The following LRRC8B variants were observed in gnomAD, a reference collection of about 807,000 sequenced individuals.
LRRC8B encodes leucine rich repeat containing 8 VRAC subunit B.
In LRRC8B, 23 loss-of-function variants were observed where a neutral mutation model predicts 58.8. That is an observed-to-expected ratio of 0.39 (90% CI 0.28 to 0.55). The LOEUF (loss-of-function observed/expected upper bound fraction) is 0.55, where lower values mean the gene tolerates loss of function less well. Ranked by LOEUF, LRRC8B falls within the 20% of genes least tolerant of loss-of-function variation. The pLI is 0.62. For synonymous variants in LRRC8B, 359 were observed against 374.1 expected, an observed-to-expected ratio of 0.96 and a Z score of 0.47; for missense variants, 694 against 936.0, an observed-to-expected ratio of 0.74 and a Z score of 3.37.
Position 89,593,743 on chromosome 1 carries a change from A to G in LRRC8B, c.*700A>G, listed in dbSNP as rs1570660022. The stretch of plus-strand genomic sequence containing the variant: ...TTGTTTTAACTGACTTCCTGTTTTG[A>G]TATTTATCACCAAGACCATAAACTC... On this transcript the variant is annotated 3_prime_UTR_variant, in exon 6 of 6. Coordinates refer to ENST00000330947, the MANE Select transcript of LRRC8B (RefSeq NM_001369817.2). 6.6e-6 allele frequency: 1 copy of G among 152,052 alleles called. No homozygotes were observed. The highest frequency in any genetic ancestry group is 1.9e-4 in the East Asian group (1 of 5,192). 9.4% of individuals were successfully genotyped at this position (152,052 alleles called of 1,614,324 possible). A position where few individuals can be genotyped will look rare whatever the true frequency, so the allele number is the denominator to read the frequency against.
chr1:89,527,695 T>C (rs188470611), intron 1 of LRRC8B, among the ~76,000 whole-genome samples: 1 of 152,390 alleles, frequency 6.6e-6, no homozygotes, highest in Non-Finnish European at 1.5e-5. Context: ...TATGACTTAA[T>C]TTCTCTGGTG....
chr1:89,549,292 A>C (rs1651639094), intron 1 of LRRC8B, among the ~76,000 whole-genome samples: 1 of 152,254 alleles, frequency 6.6e-6, no homozygotes, highest in Non-Finnish European at 1.5e-5. Flanking sequence ...ATTGGTATTT[A>C]TAAAAATACA....
chr1:89,578,577 A>C (rs1166605512), intron 3 of LRRC8B, among the ~76,000 whole-genome samples: 2 of 152,216 alleles, frequency 1.3e-5, no homozygotes, highest in African/African-American at 4.8e-5. Flanking sequence ...TGACTTGGTA[A>C]ACCCAAAGTA....
In LRRC8B at chr1:89,591,572, C is replaced by G. The variant is rs146327999; in HGVS notation, c.2140-1199C>G. Reference sequence around the variant, plus strand: ...GATTTATTTTTAAGGATATACAGCACTGAACGTGTGTTAGAGGGAGGGGTG... The same window carrying G: ...GATTTATTTTTAAGGATATACAGCAGTGAACGTGTGTTAGAGGGAGGGGTG... On this transcript the variant is annotated intron_variant, in intron 5 of 5. Transcript: ENST00000330947. Among the ~76,000 whole-genome samples the G allele has an allele frequency of 6.4e-3, 971 of 152,264 alleles. 9 individuals carry two copies. The highest frequency in any genetic ancestry group is 0.023 in the African/African-American group (937 of 41,550).
At chr1:89,543,831 A>T (rs896450654) in intron 1 of LRRC8B, among the ~76,000 whole-genome samples, 1 of 150,574 alleles carries the variant, frequency 6.6e-6, no homozygotes, top group South Asian at 2.1e-4. Flanking sequence ...TCTGTTGCCC[A>T]GGCTGGAGTC....
intron 1 of LRRC8B, among the ~76,000 whole-genome samples, chr1:89,535,178 A>G (rs1232741311): frequency 6.6e-6 from 1 of 152,156 alleles, no homozygotes; most frequent in Non-Finnish European, 1.5e-5. Flanking sequence ...TTGAGTTAGA[A>G]GTAGATTCCA....
chr1:89,532,359 A>G (rs942507349), intron 1 of LRRC8B, among the ~76,000 whole-genome samples: 1 of 152,194 alleles, frequency 6.6e-6, no homozygotes, highest in Non-Finnish European at 1.5e-5. Context: ...AAACCGCTGC[A>G]TGTGATAGTG....
intron 3 of LRRC8B, among the ~76,000 whole-genome samples, chr1:89,578,245 T>A (rs17130832): frequency 0.022 from 3,331 of 152,298 alleles, 129 homozygotes; most frequent in African/African-American, 0.077. Flanking sequence ...ATAAGAAGAA[T>A]CATGGCTGAG....
intron 1 of LRRC8B, among the ~76,000 whole-genome samples, chr1:89,536,329 T>C (rs1341377913): frequency 6.6e-6 from 1 of 152,194 alleles, no homozygotes; most frequent in Non-Finnish European, 1.5e-5. Context: ...TAAAGCAGCT[T>C]TTTCTATAAT....
At chr1:89,529,956 T>G (rs35006806) in intron 1 of LRRC8B, among the ~76,000 whole-genome samples, 35,025 of 151,996 alleles carry the variant, frequency 0.23, 4,511 homozygotes, top group Admixed American at 0.34. Context: ...AATGCACATG[T>G]TCCCCACCCT....
rs894662231 is a variant in LRRC8B at position 89,596,631 on chromosome 1, C to A, written c.*3588C>A. On this transcript the variant is annotated 3_prime_UTR_variant, in exon 6 of 6. Coordinates refer to ENST00000330947, the MANE Select transcript of LRRC8B (RefSeq NM_001369817.2). The stretch of plus-strand genomic sequence containing the variant: ...TCAATAAAATTTTCTTTTCATCTTT[C>A]CATCTTCACATTCTCTTAGCATCAT... 6.6e-6 allele frequency: 1 copy of A among 152,108 alleles called. No individual in the cohort carries two copies. The highest frequency in any genetic ancestry group is 1.9e-4 in the East Asian group (1 of 5,198). The allele number at this position is 152,108 out of a possible 1,614,324, so 9.4% of individuals were successfully genotyped here. A position where few individuals can be genotyped will look rare whatever the true frequency, so the allele number is the denominator to read the frequency against.
intron 1 of LRRC8B, among the ~76,000 whole-genome samples, chr1:89,566,094 A>G (rs997539045): frequency 2.0e-4 from 30 of 152,180 alleles, no homozygotes; most frequent in Non-Finnish European, 4.0e-4. Context: ...AGCTGCTATA[A>G]TATATAGGAC....
chr1:89,543,766 G>T (rs754688908), intron 1 of LRRC8B, among the ~76,000 whole-genome samples: 53 of 151,766 alleles, frequency 3.5e-4, no homozygotes, highest in Admixed American at 1.8e-3. Flanking sequence ...AAAGTGCTGG[G>T]ATTACAGACA....
Position 89,584,781 on chromosome 1 carries a change from A to C in LRRC8B, c.2131A>C (p.Asn711His). 6.3e-7 allele frequency: 1 copy of C among 1,590,516 alleles called. No homozygotes were observed. The highest frequency in any genetic ancestry group is 1.1e-5 in the South Asian group (1 of 87,882). Residue 711 changes from asparagine (N) to histidine (H), a missense_variant, in exon 5 of 6, where the codon AAC (asparagine) becomes CAC (histidine). By Grantham distance (68) the Asn-to-His change is moderately conservative (BLOSUM62 1). Coordinates refer to ENST00000330947, the MANE Select transcript of LRRC8B (RefSeq NM_001369817.2). ...LSNLQYFAVTNNNIEMLPDGL... is the reference protein window; with the variant it reads ...LSNLQYFAVTHNNIEMLPDGL... ...TAATTTGCAGTACTTTGCTGTGACC[A>C]ACAACAATGTAAGTAAATCCATTCT... is the stretch of plus-strand genomic sequence containing the variant.
In LRRC8B at chr1:89,595,178, C is replaced by T. The variant is rs1415168631; in HGVS notation, c.*2135C>T. 2.6e-5 allele frequency: 4 copies of T among 152,100 alleles called. No homozygotes were observed. Among genetic ancestry groups the T allele is most frequent in the Non-Finnish European group, 5.9e-5 (4 of 67,968 alleles). 9.4% of individuals were successfully genotyped at this position (152,100 alleles called of 1,614,324 possible). ...CTACTTACCAAAACTTGCCTTTAGTCAGAACATTCAGCTCTCAGGGAAGCA... is the reference window on the plus strand; with the variant it reads ...CTACTTACCAAAACTTGCCTTTAGTTAGAACATTCAGCTCTCAGGGAAGCA... On this transcript the variant is annotated 3_prime_UTR_variant, in exon 6 of 6. Transcript: ENST00000330947.
chr1:89,554,595 G>C (rs1420471116), intron 1 of LRRC8B, among the ~76,000 whole-genome samples: 17 of 152,138 alleles, frequency 1.1e-4, no homozygotes, highest in Admixed American at 1.1e-3. Flanking sequence ...CCTAGTGTCA[G>C]AGCATGTGCA....
At chr1:89,527,626 A>G (rs771548253) in intron 1 of LRRC8B, among the ~76,000 whole-genome samples, 6 of 152,182 alleles carry the variant, frequency 3.9e-5, no homozygotes, top group Non-Finnish European at 8.8e-5. Flanking sequence ...TTTTATTGCT[A>G]TTGCCTACTT....
At chr1:89,534,535 A>T (rs1650382482) in intron 1 of LRRC8B, among the ~76,000 whole-genome samples, 1 of 152,000 alleles carries the variant, frequency 6.6e-6, no homozygotes, top group African/African-American at 2.4e-5. Flanking sequence ...ACACACACAC[A>T]CACACTCAGT....
At chr1:89,527,000 A>G (rs976347618) in intron 1 of LRRC8B, 1 of 152,238 alleles carries the variant, frequency 6.6e-6, no homozygotes, top group African/African-American at 2.4e-5. Flanking sequence ...AGTAAAATGA[A>G]AAGGGGCTTA....
Sources: gnomAD v4.1 joint callset for allele counts (sites outside exome capture counted in the v4.1 genomes callset) on GRCh38, gnomAD v4.1.1 for gene constraint, MANE v1.5 for transcripts, NCBI Gene and HGNC (gene_info 2026-07-23, HGNC 2026-07-21) for gene names.